Variants in SLC44A5 observed in about 807,000 individuals in gnomAD.
The protein encoded by SLC44A5 is choline transporter-like protein 5.
SLC44A5 carries 57 observed loss-of-function variants against 101.8 expected under a neutral mutation model. That is an observed-to-expected ratio of 0.56 (90% CI 0.45 to 0.70). SLC44A5 has a LOEUF of 0.70. SLC44A5 is among the 30% of genes least tolerant of loss of function. The pLI is 0.00. For synonymous variants in SLC44A5, 281 were observed against 290.9 expected (o/e 0.97, Z 0.35); for missense variants, 737 against 853.1 (o/e 0.86, Z 1.70).
At position 75,604,938 on chromosome 1, in the gene SLC44A5, A is replaced by C. The variant is rs187750089; in HGVS notation, c.-70+6102T>G. On this transcript the variant is annotated intron_variant, in intron 1 of 23. Coordinates refer to ENST00000370859, the MANE Select transcript of SLC44A5 (RefSeq NM_001130058.2). ...TTGGCAGTCTTTAGGGATTCCTAGG[A>C]GAGATAGTTTGACTTCTTCTTTTCC... 2.6e-5 allele frequency among the ~76,000 whole-genome samples: 4 copies of C among 151,998 alleles called. No homozygotes were observed. The East Asian group carries it at 7.7e-4, about 29-fold the overall frequency.
the SLC44A5 span, among the ~76,000 whole-genome samples, chr1:75,710,983 C>G: frequency 1.3e-5 from 2 of 152,162 alleles, no homozygotes; most frequent in Non-Finnish European, 2.9e-5. Flanking sequence ...TTCCCCTGTT[C>G]CTAGTTTCTG....
intron 2 of SLC44A5, among the ~76,000 whole-genome samples, chr1:75,436,652 T>C: frequency 6.6e-6 from 1 of 152,146 alleles, no homozygotes; most frequent in East Asian, 1.9e-4. Context: ...ACAAAATTTA[T>C]ACACAAATAT....
At chr1:75,365,456 A>G (rs183076976) in intron 3 of SLC44A5, among the ~76,000 whole-genome samples, 65 of 152,312 alleles carry the variant, frequency 4.3e-4, no homozygotes, top group African/African-American at 1.4e-3. Flanking sequence ...TTTGCTAAGG[A>G]TGATGGCCTC....
the SLC44A5 span, among the ~76,000 whole-genome samples, chr1:75,631,588 C>T: frequency 1.4e-5 from 2 of 145,968 alleles, no homozygotes; most frequent in African/African-American, 5.2e-5. Flanking sequence ...GCTCTGTCAC[C>T]CAGGCTGGAG....
At chr1:75,465,988 A>G (rs1260219154) in intron 2 of SLC44A5, among the ~76,000 whole-genome samples, 1 of 152,230 alleles carries the variant, frequency 6.6e-6, no homozygotes, top group Non-Finnish European at 1.5e-5. Flanking sequence ...AACTATTCCA[A>G]AATTAGAGGA....
At chr1:75,560,683 C>T (rs893509309) in intron 1 of SLC44A5, among the ~76,000 whole-genome samples, 1 of 152,096 alleles carries the variant, frequency 6.6e-6, no homozygotes, top group Non-Finnish European at 1.5e-5. Context: ...AGATTTGGTC[C>T]TTTGCCTCCC....
chr1:75,660,126 C>T, the SLC44A5 span, among the ~76,000 whole-genome samples: 1 of 152,030 alleles, frequency 6.6e-6, no homozygotes, highest in African/African-American at 2.4e-5. Flanking sequence ...ATTGCTTGAA[C>T]CCAGGAGGCA....
intron 5 of SLC44A5, among the ~76,000 whole-genome samples, chr1:75,276,874 G>A (rs1336336466): frequency 6.6e-6 from 1 of 152,088 alleles, no homozygotes; most frequent in Non-Finnish European, 1.5e-5. Context: ...CATCCCTCTG[G>A]GGAACTTCTG....
intron 2 of SLC44A5, among the ~76,000 whole-genome samples, chr1:75,523,967 G>GATAA (rs1187510679): frequency 6.6e-6 from 1 of 152,204 alleles, no homozygotes; most frequent in East Asian, 1.9e-4. Context: ...GTTGAAATCA[G>GATAA]ATAAATCTGT....
At chr1:75,402,717 C>T (rs1411847045) in intron 2 of SLC44A5, among the ~76,000 whole-genome samples, 3 of 152,038 alleles carry the variant, frequency 2.0e-5, no homozygotes, top group Non-Finnish European at 4.4e-5. Flanking sequence ...CCCTCAGGTG[C>T]CTACACCACC....
intron 2 of SLC44A5, among the ~76,000 whole-genome samples, chr1:75,483,125 G>T (rs1249048015): frequency 6.6e-6 from 1 of 152,168 alleles, no homozygotes; most frequent in Non-Finnish European, 1.5e-5. Flanking sequence ...GAGGAAAGGA[G>T]ACAGGAAATG....
At chr1:75,494,863 C>G (rs1195663340) in intron 2 of SLC44A5, among the ~76,000 whole-genome samples, 1 of 152,188 alleles carries the variant, frequency 6.6e-6, no homozygotes, top group Non-Finnish European at 1.5e-5. Flanking sequence ...GATCATACAT[C>G]TAATACTCCA....
At chr1:75,514,980 G>A (rs1050629723) in intron 2 of SLC44A5, among the ~76,000 whole-genome samples, 3 of 152,082 alleles carry the variant, frequency 2.0e-5, no homozygotes, top group Admixed American at 1.3e-4. Flanking sequence ...ACTATATTAG[G>A]ATCTCATAGT....
chr1:75,416,423 C>A (rs927182018), intron 2 of SLC44A5, among the ~76,000 whole-genome samples: 1 of 152,198 alleles, frequency 6.6e-6, no homozygotes, highest in Non-Finnish European at 1.5e-5. Context: ...CCTGGATGCC[C>A]AGGCAGAAGT....
At chr1:75,463,191 G>A (rs920251614) in intron 2 of SLC44A5, among the ~76,000 whole-genome samples, 23 of 152,284 alleles carry the variant, frequency 1.5e-4, no homozygotes, top group African/African-American at 5.3e-4. Flanking sequence ...GAAGGCCGAG[G>A]CAGGCGGATC....
intron 2 of SLC44A5, among the ~76,000 whole-genome samples, chr1:75,430,549 G>A (rs1313379144): frequency 6.6e-6 from 1 of 152,200 alleles, no homozygotes; most frequent in Non-Finnish European, 1.5e-5. Context: ...AATGGTGAGA[G>A]ATGAGAGATA....
chr1:75,692,973 T>C, the SLC44A5 span, among the ~76,000 whole-genome samples: 3 of 152,082 alleles, frequency 2.0e-5, no homozygotes, highest in Non-Finnish European at 2.9e-5. Flanking sequence ...GCAAGACTGT[T>C]GAAGGTATAT....
intron 1 of SLC44A5, among the ~76,000 whole-genome samples, chr1:75,587,062 TG>T (rs1303273317): frequency 6.6e-6 from 1 of 152,162 alleles, no homozygotes; most frequent in African/African-American, 2.4e-5. Flanking sequence ...GAGACATTTT[TG>T]TATGTCACAA....
chr1:75,233,265 T>C (rs191946651), intron 12 of SLC44A5, among the ~76,000 whole-genome samples: 3 of 152,168 alleles, frequency 2.0e-5, no homozygotes, highest in Admixed American at 6.6e-5. Context: ...TATGTATATA[T>C]TGCATAGTGG....
Sources: allele counts gnomAD v4.1 joint callset (sites outside exome capture counted in the v4.1 genomes callset), GRCh38; gene constraint gnomAD v4.1.1; transcripts MANE v1.5; gene names NCBI Gene and HGNC (gene_info 2026-07-23, HGNC 2026-07-21).